The following MLYCD variants were observed in gnomAD, a reference collection of about 807,000 sequenced individuals.
The protein encoded by MLYCD is malonyl-CoA decarboxylase, mitochondrial.
MLYCD carries 27 observed loss-of-function variants against 35.8 expected under a neutral mutation model. That is an observed-to-expected ratio of 0.75 (90% CI 0.56 to 1.04). The LOEUF (loss-of-function observed/expected upper bound fraction) is 1.04. Among genes scored for constraint, MLYCD ranks in the 50% least tolerant of loss-of-function variants. MLYCD has a pLI of 0.00. For missense variants in MLYCD, 917 were observed against 665.1 expected, an observed-to-expected ratio of 1.38 and a Z score of -4.17; for synonymous variants, 403 against 302.4, an observed-to-expected ratio of 1.33 and a Z score of -3.45.
At chr16:83,904,843 C>A (rs1299703781) in intron 1 of MLYCD, among the ~76,000 whole-genome samples, 1 of 152,184 alleles carries the variant, frequency 6.6e-6, no homozygotes, top group East Asian at 1.9e-4. Context: ...TTCAAAAGTT[C>A]CTCTTTACAC....
intron 1 of MLYCD, among the ~76,000 whole-genome samples, chr16:83,906,593 G>T (rs758367250): frequency 5.3e-5 from 8 of 152,204 alleles, no homozygotes; most frequent in Non-Finnish European, 7.3e-5. Context: ...TGAGGACAGT[G>T]CTGTTGACAC....
chr16:83,910,674 G>C (rs1238070178), intron 3 of MLYCD, among the ~76,000 whole-genome samples: 1 of 145,196 alleles, frequency 6.9e-6, no homozygotes, highest in Non-Finnish European at 1.5e-5. Context: ...CTGGGCGACA[G>C]AGCAAGACTC....
At chr16:83,914,183 A>G (rs533441310) in intron 4 of MLYCD, 1 of 152,558 alleles carries the variant, frequency 6.6e-6, no homozygotes, top group East Asian at 1.9e-4. Context: ...ATCAGAAAGT[A>G]GCAGATTGTT....
In MLYCD at chr16:83,915,385, G is replaced by A. The variant is rs1248920327; in HGVS notation, c.1378G>A (p.Glu460Lys). The A allele has an allele frequency of 6.2e-7, 1 of 1,613,928 alleles. No homozygotes were observed. Residue 460 changes from glutamate (E) to lysine (K), a missense_variant, in exon 5 of 5, where the codon GAG (glutamate) becomes AAG (lysine). Physicochemically the swap from Glu to Lys is moderately conservative, Grantham distance 56. Transcript: ENST00000262430. Reference sequence around the variant, plus strand: ...GGCCAACTACCGCTACTTCCTGGAGGAGACGGGCCCCAACAGCACCTCCTA... The same window carrying A: ...GGCCAACTACCGCTACTTCCTGGAGAAGACGGGCCCCAACAGCACCTCCTA... ...LMANYRYFLE[E>K]TGPNSTSYLG...
rs1907451515 is a variant in MLYCD, at chr16:83,917,281, GTCTGTGTGCGTGTGCACA to G, written c.*1793_*1810del. ...AGCGTCTCTGTGTGGATCAGTGCAC[GTCTGTGTGCGTGTGCACA>G]AGCATCTGTGTGTGTCAGTGCACGT... On this transcript the variant is annotated 3_prime_UTR_variant, in exon 5 of 5. Transcript: ENST00000262430. The G allele has an allele frequency of 1.3e-5, 2 of 151,042 alleles. No individual in the cohort carries two copies. The highest frequency in any genetic ancestry group is 5.0e-5 in the African/African-American group (2 of 40,150). 9.4% of individuals were successfully genotyped at this position (151,042 alleles called of 1,614,324 possible).
chr16:83,922,014 C>A lies in MLYCD; in HGVS notation c.*6525C>A, dbSNP rs1479211637. On this transcript the variant is annotated 3_prime_UTR_variant, in exon 5 of 5. Transcript: ENST00000262430. ...TTCCATCCCACTTGCTCTCAGGAAC[C>A]CTGGGCAACAACTGTGACCACAGTG... is the stretch of plus-strand genomic sequence containing the variant. 2.1e-5 allele frequency: 3 copies of A among 146,016 alleles called. No homozygotes were observed. Among genetic ancestry groups the A allele is most frequent in the Non-Finnish European group, 4.6e-5 (3 of 65,130 alleles). The allele number at this position is 146,016 out of a possible 1,614,324, so 9.0% of individuals were successfully genotyped here.
In MLYCD at chr16:83,924,633, T is replaced by A. The variant is rs548310750; in HGVS notation, c.*9144T>A. On this transcript the variant is annotated 3_prime_UTR_variant, in exon 5 of 5. Transcript: ENST00000262430. Reference sequence around the variant, plus strand: ...TGAGTTACTGCCTCCTTGAGCACTTTCGCAGGAGAGAAGACCAGAGAGCTG... The same window carrying A: ...TGAGTTACTGCCTCCTTGAGCACTTACGCAGGAGAGAAGACCAGAGAGCTG... 1 of 152,200 alleles carries A rather than the reference T, an allele frequency of 6.6e-6. No individual in the cohort carries two copies. The highest frequency in any genetic ancestry group is 1.5e-5 in the Non-Finnish European group (1 of 68,034). 9.4% of individuals were successfully genotyped at this position (152,200 alleles called of 1,614,324 possible).
At position 83,917,213 on chromosome 16, in the gene MLYCD, G is replaced by A. The variant is rs1567638333; in HGVS notation, c.*1724G>A. The A allele has an allele frequency of 7.1e-6, 1 of 140,320 alleles. No homozygotes were observed. Among genetic ancestry groups the A allele is most frequent in the Non-Finnish European group, 1.5e-5 (1 of 67,554 alleles). The allele number at this position is 140,320 out of a possible 1,614,324, so 8.7% of individuals were successfully genotyped here. On this transcript the variant is annotated 3_prime_UTR_variant, in exon 5 of 5. Coordinates refer to ENST00000262430, the MANE Select transcript of MLYCD (RefSeq NM_012213.3). ...TCAGTGCACGTCTGTGTGTGCACGA[G>A]CGTCTCTGTGTGGATCAGTGCACGT...
Position 83,899,529 on chromosome 16 carries a change from C to T in MLYCD, c.385C>T (p.Leu129=), listed in dbSNP as rs747340882. ...AAVLLQAEDR[L]RYALVPRYRG... ...GGTGCTGCTGCAGGCCGAGGACCGG[C>T]TGCGCTACGCGCTGGTGCCGCGCTA... The change falls in exon 1 of 5, where the codon CTG becomes TTG. Residue 129 remains leucine, a synonymous_variant. Coordinates refer to ENST00000262430, the MANE Select transcript of MLYCD (RefSeq NM_012213.3). 1.9e-6 allele frequency: 3 copies of T among 1,590,132 alleles called. No individual in the cohort carries two copies. Among genetic ancestry groups the T allele is most frequent in the African/African-American group, 1.4e-5 (1 of 73,760 alleles).
intron 4 of MLYCD, 125 bp from the exon 5 acceptor site, chr16:83,914,831 A>C: frequency 7.5e-7 from 1 of 1,337,968 alleles, no homozygotes; most frequent in Non-Finnish European, 1.1e-6. Context: ...CATGTATCAG[A>C]TGTCACTCTG....
At chr16:83,899,734 A>G (rs1294485233) in intron 1 of MLYCD, 62 bp downstream of exon 1, 55 of 1,446,798 alleles carry the variant, frequency 3.8e-5, no homozygotes, top group Non-Finnish European at 5.0e-5. Context: ...AGTAGTCCTC[A>G]CTTGCCCCCT....
chr16:83,900,366 C>T (rs1438241966), intron 1 of MLYCD, among the ~76,000 whole-genome samples: 16 of 152,150 alleles, frequency 1.1e-4, no homozygotes, highest in Non-Finnish European at 4.4e-5. Flanking sequence ...CGAAAGAAGG[C>T]CTAGAGCAAC....
rs1907649071 is a variant in MLYCD at position 83,921,396 on chromosome 16, G to T, written c.*5907G>T. 7.1e-6 allele frequency: 1 copy of T among 141,798 alleles called. No homozygotes were observed. The highest frequency in any genetic ancestry group is 2.6e-5 in the African/African-American group (1 of 38,074). 8.8% of individuals were successfully genotyped at this position (141,798 alleles called of 1,614,324 possible). A position where few individuals can be genotyped will look rare whatever the true frequency, so the allele number is the denominator to read the frequency against. ...ATGGATGGATGGATAGATGGATGGA[G>T]GAGGGTGGATGGAAGGAAGGAGGAT... On this transcript the variant is annotated 3_prime_UTR_variant, in exon 5 of 5. Transcript: ENST00000262430.
At chr16:83,906,856 T>G (rs1473573776) in intron 1 of MLYCD, 131 bp from the exon 2 acceptor site, 3 of 830,436 alleles carry the variant, frequency 3.6e-6, no homozygotes, top group Non-Finnish European at 4.2e-6. Flanking sequence ...AAAAGCTGTT[T>G]GGAGAGTTGT....
intron 1 of MLYCD, 150 bp downstream of exon 1, chr16:83,899,822 C>A: frequency 9.8e-7 from 1 of 1,016,756 alleles, no homozygotes; most frequent in Non-Finnish European, 1.4e-6. Context: ...CAACTGTGTC[C>A]CCTTCCCACG....
chr16:83,909,662 C>T (rs1330352802), intron 3 of MLYCD, among the ~76,000 whole-genome samples: 4 of 144,584 alleles, frequency 2.8e-5, no homozygotes, highest in Non-Finnish European at 4.5e-5. Context: ...GCTCTTCTTG[C>T]GCAGGCTAGA....
chr16:83,906,948 C>T (rs755102424), intron 1 of MLYCD, 39 bp from the exon 2 acceptor site: 11 of 1,541,408 alleles, frequency 7.1e-6, no homozygotes, highest in Middle Eastern at 1.7e-4. Context: ...CTTGATCTGT[C>T]GCACATTGGA....
Sources: allele counts gnomAD v4.1 joint callset (sites outside exome capture counted in the v4.1 genomes callset), GRCh38; gene constraint gnomAD v4.1.1; transcripts MANE v1.5; gene names NCBI Gene and HGNC (gene_info 2026-07-23, HGNC 2026-07-21).